SPECC1: variants seen among roughly 807,000 people sequenced by gnomAD.
The protein encoded by SPECC1 is sperm antigen with calponin homology and coiled-coil domains 1.
Under a neutral mutation model 104.1 loss-of-function variants are expected in SPECC1, and 62 were observed. That is an observed-to-expected ratio of 0.60 (90% CI 0.49 to 0.74). SPECC1 has a LOEUF of 0.74. SPECC1 is among the 30% of genes least tolerant of loss of function. SPECC1 has a pLI of 0.00. For missense variants in SPECC1, 1,306 were observed against 1,310.5 expected (o/e 1.00, Z 0.05); for synonymous variants, 513 against 501.6 (o/e 1.02, Z -0.30).
chr17:20,055,693 A>T (rs1355183961), intron 1 of SPECC1, among the ~76,000 whole-genome samples: 1 of 152,232 alleles, frequency 6.6e-6, no homozygotes, highest in African/African-American at 2.4e-5. Context: ...TTTTCACTAA[A>T]GGCAGTGAAG....
At chr17:20,214,983 G>C (rs1430170266) in intron 4 of SPECC1, among the ~76,000 whole-genome samples, 1 of 152,218 alleles carries the variant, frequency 6.6e-6, no homozygotes, top group Non-Finnish European at 1.5e-5. Context: ...AGAATGTGGG[G>C]CAGGCTTGAG....
At chr17:20,110,316 T>C (rs1253016262) in intron 2 of SPECC1, 111 bp from the exon 3 acceptor site, 12 of 1,303,388 alleles carry the variant, frequency 9.2e-6, no homozygotes, top group African/African-American at 4.5e-5. Context: ...AGTGCTGTTA[T>C]TGTATCTTGA....
chr17:20,164,863 G>A (rs1275176365), intron 3 of SPECC1, among the ~76,000 whole-genome samples: 5 of 151,930 alleles, frequency 3.3e-5, no homozygotes, highest in Non-Finnish European at 5.9e-5. Context: ...CCATTCGAAC[G>A]GCCATATCAC....
In SPECC1 at chr17:20,315,717, C is replaced by T. The variant is rs2042031882; in HGVS notation, c.*1652C>T. 4.3e-6 allele frequency: 1 copy of T among 232,362 alleles called. No homozygotes were observed. Among genetic ancestry groups the T allele is most frequent in the South Asian group, 1.8e-4 (1 of 5,530 alleles). The allele number at this position is 232,362 out of a possible 1,614,324, so 14.4% of individuals were successfully genotyped here. On this transcript the variant is annotated 3_prime_UTR_variant, in exon 15 of 15. Coordinates refer to ENST00000395527, the MANE Select transcript of SPECC1 (RefSeq NM_001243439.2). ...TGGAGAGGTAGGAGCTCAGTCCCTTCCTCCAAGCCAGACCTTTGCAGAGGT... is the reference window on the plus strand; with the variant it reads ...TGGAGAGGTAGGAGCTCAGTCCCTTTCTCCAAGCCAGACCTTTGCAGAGGT...
In SPECC1 at chr17:20,252,167, G is replaced by A. The variant is rs562618951; in HGVS notation, c.2599-1338G>A. ...TTCTGAAATGCTTTTTTAAATGGCAGTAAAAAAAATACACCATGAAATCTA... is the reference window on the plus strand; with the variant it reads ...TTCTGAAATGCTTTTTTAAATGGCAATAAAAAAAATACACCATGAAATCTA... On this transcript the variant is annotated intron_variant, in intron 9 of 14. Transcript: ENST00000395527. Among the ~76,000 whole-genome samples the A allele has an allele frequency of 2.0e-5, 3 of 151,966 alleles. No individual in the cohort carries two copies. In the South Asian group the frequency reaches 6.2e-4, roughly 32 times the overall value.
intron 12 of SPECC1, among the ~76,000 whole-genome samples, chr17:20,261,050 A>C (rs1415214588): frequency 1.3e-5 from 2 of 152,202 alleles, no homozygotes; most frequent in Non-Finnish European, 2.9e-5. Flanking sequence ...TATTCTTTTA[A>C]ACATTATGAG....
intron 1 of SPECC1, among the ~76,000 whole-genome samples, chr17:20,084,878 T>G (rs1597667463): frequency 5.5e-5 from 8 of 145,204 alleles, no homozygotes; most frequent in Admixed American, 1.4e-4. Flanking sequence ...GCAAGGGAGG[T>G]GGGGGTGGGA....
chr17:20,205,945 T>A, intron 4 of SPECC1, 33 bp downstream of exon 4: 1 of 1,567,458 alleles, frequency 6.4e-7, no homozygotes, highest in Non-Finnish European at 8.6e-7. Flanking sequence ...TGGTATTTGC[T>A]CATCCTTGTT....
At position 20,051,357 on chromosome 17, in the gene SPECC1, G is replaced by A. The variant is rs1454845726; in HGVS notation, c.-22+41933G>A. 2.6e-5 allele frequency among the ~76,000 whole-genome samples: 4 copies of A among 151,862 alleles called. 1 individual carries two copies. The highest frequency in any genetic ancestry group is 2.0e-4 in the Admixed American group (3 of 15,226). On this transcript the variant is annotated intron_variant, in intron 1 of 14. Coordinates refer to ENST00000395527, the MANE Select transcript of SPECC1 (RefSeq NM_001243439.2). The stretch of plus-strand genomic sequence containing the variant: ...TGCCTGGATAATTTCTGTATTTTTA[G>A]TAGAGACAGGTTTCACCATGTTGGC...
chr17:20,128,559 A>G (rs2049439801), intron 3 of SPECC1, among the ~76,000 whole-genome samples: 1 of 152,320 alleles, frequency 6.6e-6, no homozygotes, highest in South Asian at 2.1e-4. Context: ...TTCTGATATA[A>G]TTAAATATTC....
In SPECC1 at chr17:20,205,584, T is replaced by A; in HGVS notation, c.1535T>A (p.Leu512Gln). The A allele has an allele frequency of 6.2e-7, 1 of 1,614,068 alleles. No homozygotes were observed. The highest frequency in any genetic ancestry group is 1.1e-5 in the South Asian group (1 of 91,070). Residue 512 changes from leucine (L) to glutamine (Q), a missense_variant, in exon 4 of 15, where the codon CTG (leucine) becomes CAG (glutamine). Coordinates refer to ENST00000395527, the MANE Select transcript of SPECC1 (RefSeq NM_001243439.2). ...GGAGCTTTAGAAATGATTAAACGTC[T>A]GAAGGAAGAAAATGAAAAACTGAAT... The part of the protein sequence containing the change: ...NQGALEMIKR[L>Q]KEENEKLNEF...
chr17:20,242,958 A>G (rs2039269353), intron 7 of SPECC1, among the ~76,000 whole-genome samples: 1 of 152,152 alleles, frequency 6.6e-6, no homozygotes, highest in Non-Finnish European at 1.5e-5. Context: ...TACTTGCTTC[A>G]TTTTTGTTGT....
intron 11 of SPECC1, among the ~76,000 whole-genome samples, chr17:20,258,815 C>T (rs1567587712): frequency 6.6e-6 from 1 of 152,226 alleles, no homozygotes; most frequent in Non-Finnish European, 1.5e-5. Context: ...TGACATATCC[C>T]TTCTCTGACT....
At chr17:20,053,444 A>C (rs146936186) in intron 1 of SPECC1, among the ~76,000 whole-genome samples, 3 of 152,306 alleles carry the variant, frequency 2.0e-5, no homozygotes, top group African/African-American at 7.2e-5. Flanking sequence ...GACACTTCTT[A>C]TTTCAAGAGG....
intron 4 of SPECC1, among the ~76,000 whole-genome samples, chr17:20,213,055 A>G (rs976628237): frequency 3.9e-5 from 6 of 152,124 alleles, no homozygotes; most frequent in African/African-American, 1.4e-4. Flanking sequence ...AAATGAAGCC[A>G]GCATTCAAAG....
At chr17:20,109,043 G>A (rs1395958939) in intron 2 of SPECC1, among the ~76,000 whole-genome samples, 1 of 152,220 alleles carries the variant, frequency 6.6e-6, no homozygotes, top group Non-Finnish European at 1.5e-5. Context: ...CAGGGCATGA[G>A]TGTTCCAGTT....
chr17:20,025,145 A>G (rs1019496695), intron 1 of SPECC1, among the ~76,000 whole-genome samples: 2 of 152,174 alleles, frequency 1.3e-5, no homozygotes, highest in African/African-American at 4.8e-5. Context: ...GGACATGGGC[A>G]CACACAGAGA....
At chr17:20,083,402 G>A (rs2047057542) in intron 1 of SPECC1, among the ~76,000 whole-genome samples, 1 of 152,234 alleles carries the variant, frequency 6.6e-6, no homozygotes, top group African/African-American at 2.4e-5. Flanking sequence ...TTGTAGGTGT[G>A]GGGAGATGGC....
chr17:20,118,851 T>C (rs1292231971), intron 3 of SPECC1, among the ~76,000 whole-genome samples: 1 of 152,244 alleles, frequency 6.6e-6, no homozygotes, highest in East Asian at 1.9e-4. Flanking sequence ...ATCCTTCCTC[T>C]TCTACTTGCC....
Sources: gnomAD v4.1 joint callset for allele counts (sites outside exome capture counted in the v4.1 genomes callset) on GRCh38, gnomAD v4.1.1 for gene constraint, MANE v1.5 for transcripts, NCBI Gene and HGNC (gene_info 2026-07-23, HGNC 2026-07-21) for gene names.